Variants in GALNT17 observed in about 807,000 individuals in gnomAD.
The protein encoded by GALNT17 is UDP-GalNAc:polypeptide N-acetylgalactosaminyltransferase-like 3.
In GALNT17, 29 loss-of-function variants were observed where a neutral mutation model predicts 63.7. The observed-to-expected ratio is 0.46, with a 90% CI of 0.34 to 0.62. GALNT17 has a LOEUF of 0.62. Among genes scored for constraint, GALNT17 ranks in the 20% least tolerant of loss-of-function variants. The pLI, the probability that GALNT17 is intolerant of heterozygous loss-of-function variation, is 0.01. For synonymous variants in GALNT17, 305 were observed against 318.3 expected (o/e 0.96, Z 0.45); for missense variants, 603 against 799.6 (o/e 0.75, Z 2.97).
chr7:71,490,327 T>A (rs1354989866), intron 5 of GALNT17, among the ~76,000 whole-genome samples: 16 of 151,900 alleles, frequency 1.1e-4, no homozygotes, highest in Non-Finnish European at 5.9e-5. Context: ...TGTTTTCGTC[T>A]CTTTCTTCAC....
intron 2 of GALNT17, among the ~76,000 whole-genome samples, chr7:71,361,633 T>C (rs1362427444): frequency 6.6e-6 from 1 of 152,200 alleles, no homozygotes; most frequent in African/African-American, 2.4e-5. Context: ...CTGGCTATAA[T>C]ACTTGGCAGA....
rs528212033 is a variant in GALNT17, at chr7:71,701,725, GTA to G, written c.1501-9022_1501-9021del. Among the ~76,000 whole-genome samples the G allele has an allele frequency of 8.2e-4, 114 of 139,108 alleles. 1 individual carries two copies. The highest frequency in any genetic ancestry group is 2.3e-3 in the African/African-American group (86 of 37,218). The allele number at this position is 139,108 out of a possible 152,430, so 91.3% of individuals were successfully genotyped here. A position where few individuals can be genotyped will look rare whatever the true frequency, so the allele number is the denominator to read the frequency against. Reference sequence around the variant, plus strand: ...ATGGGATAAAGAAAATGTGGTGTATGTATATATATATATATGTGTATATATAT... The same window carrying G: ...ATGGGATAAAGAAAATGTGGTGTATGTATATATATATATGTGTATATATAT... On this transcript the variant is annotated intron_variant, in intron 9 of 10. Transcript: ENST00000333538.
intron 1 of GALNT17, among the ~76,000 whole-genome samples, chr7:71,145,539 T>C (rs796645908): frequency 3.9e-5 from 6 of 152,100 alleles, no homozygotes; most frequent in African/African-American, 1.4e-4. Flanking sequence ...AAAAATAGGG[T>C]CTACATGATT....
chr7:71,192,755 T>C (rs1788975634), intron 1 of GALNT17, among the ~76,000 whole-genome samples: 1 of 152,216 alleles, frequency 6.6e-6, no homozygotes, highest in South Asian at 2.1e-4. Context: ...TTTTTCACTT[T>C]TGCCTGCAAC....
intron 5 of GALNT17, among the ~76,000 whole-genome samples, chr7:71,542,778 G>A (rs1458895583): frequency 6.6e-6 from 1 of 151,494 alleles, no homozygotes; most frequent in African/African-American, 2.4e-5. Context: ...ACAGGGATTT[G>A]CATTCTACTT....
At chr7:71,297,929 A>G (rs527724799) in intron 1 of GALNT17, among the ~76,000 whole-genome samples, 25 of 152,322 alleles carry the variant, frequency 1.6e-4, no homozygotes, top group African/African-American at 6.0e-4. Context: ...AGAGTCAGGA[A>G]GGCACTTTTG....
intron 5 of GALNT17, among the ~76,000 whole-genome samples, chr7:71,484,797 A>ATTTTTTTTTTTTTTTTTTTT (rs386410414): frequency 9.3e-6 from 1 of 107,364 alleles, no homozygotes; most frequent in Non-Finnish European, 1.7e-5. Context: ...CAGCATCAGG[A>ATTTTTTTTTTTTTTTTTTTT]TTTTTTTTTT....
At chr7:71,589,784 G>A (rs975209581) in intron 6 of GALNT17, among the ~76,000 whole-genome samples, 3 of 152,076 alleles carry the variant, frequency 2.0e-5, no homozygotes, top group East Asian at 1.9e-4. Flanking sequence ...TAGAACAGCC[G>A]GAACTCAACC....
intron 1 of GALNT17, among the ~76,000 whole-genome samples, chr7:71,142,863 C>T (rs1787941202): frequency 6.6e-6 from 1 of 150,478 alleles, no homozygotes; most frequent in Non-Finnish European, 1.5e-5. Flanking sequence ...ATCACTTGAA[C>T]TTGGGAGACG....
intron 5 of GALNT17, among the ~76,000 whole-genome samples, chr7:71,524,428 T>C (rs1054716727): frequency 7.2e-5 from 11 of 152,094 alleles, no homozygotes; most frequent in African/African-American, 2.2e-4. Flanking sequence ...CAGTTGGTTC[T>C]GATGCTACTC....
intron 5 of GALNT17, among the ~76,000 whole-genome samples, chr7:71,439,283 T>C (rs1164239132): frequency 3.3e-5 from 5 of 152,216 alleles, no homozygotes; most frequent in African/African-American, 1.2e-4. Flanking sequence ...AGAAAGCTAT[T>C]CCTTATGAAA....
At chr7:71,654,414 C>T (rs1790797845) in intron 6 of GALNT17, among the ~76,000 whole-genome samples, 1 of 152,160 alleles carries the variant, frequency 6.6e-6, no homozygotes, top group African/African-American at 2.4e-5. Context: ...AATCTGGGCA[C>T]CAGCAAGAGT....
At chr7:71,388,836 T>G (rs1792999706) in intron 3 of GALNT17, among the ~76,000 whole-genome samples, 1 of 151,840 alleles carries the variant, frequency 6.6e-6, no homozygotes, top group Admixed American at 6.6e-5. Context: ...CCAAGATTTT[T>G]TTAGAGGAAG....
chr7:71,286,132 T>G (rs1241055826), intron 1 of GALNT17, among the ~76,000 whole-genome samples: 4 of 152,178 alleles, frequency 2.6e-5, no homozygotes, highest in Non-Finnish European at 1.5e-5. Context: ...GTTTGCAAAT[T>G]TTACAGAAGC....
chr7:71,294,707 G>A (rs529268239), intron 1 of GALNT17, among the ~76,000 whole-genome samples: 14 of 152,030 alleles, frequency 9.2e-5, no homozygotes, highest in South Asian at 4.2e-4. Context: ...GAGACACCAC[G>A]CCTGGCCATA....
intron 1 of GALNT17, among the ~76,000 whole-genome samples, chr7:71,216,046 AAAT>A (rs1554339811): frequency 8.8e-6 from 1 of 114,204 alleles, no homozygotes; most frequent in African/African-American, 2.7e-5. Flanking sequence ...TTGTCTCCAT[AAAT>A]AATAATAATA....
At chr7:71,237,601 C>T (rs2116459960) in intron 1 of GALNT17, among the ~76,000 whole-genome samples, 1 of 151,818 alleles carries the variant, frequency 6.6e-6, no homozygotes, top group South Asian at 2.1e-4. Flanking sequence ...GGGAGGACTG[C>T]TTGAGCCCAG....
intron 7 of GALNT17, among the ~76,000 whole-genome samples, chr7:71,667,869 G>C (rs898585120): frequency 1.3e-5 from 2 of 151,454 alleles, no homozygotes; most frequent in Non-Finnish European, 2.9e-5. Context: ...GTACGATCTT[G>C]GTTCCCTGTA....
intron 1 of GALNT17, among the ~76,000 whole-genome samples, chr7:71,256,836 G>A (rs10244338): frequency 0.23 from 34,429 of 152,172 alleles, 4,312 homozygotes; most frequent in African/African-American, 0.33. Context: ...AAGTGAGAAT[G>A]AGAGAGGTAG....
Sources: allele counts gnomAD v4.1 joint callset (sites outside exome capture counted in the v4.1 genomes callset), GRCh38; gene constraint gnomAD v4.1.1; transcripts MANE v1.5; gene names NCBI Gene and HGNC (gene_info 2026-07-23, HGNC 2026-07-21).